Variants in ESRRG observed in about 807,000 individuals in gnomAD.
ESRRG encodes estrogen-related receptor gamma.
A neutral mutation model predicts 44.0 loss-of-function variants in ESRRG; 13 were observed. The ratio of observed to expected loss-of-function variants is 0.30; its 90% CI spans 0.19 to 0.47. ESRRG has a LOEUF of 0.47. ESRRG is among the 20% of genes least tolerant of loss of function. The pLI, the probability that ESRRG is intolerant of heterozygous loss-of-function variation, is 1.00. For synonymous variants in ESRRG, 215 were observed against 214.6 expected, an observed-to-expected ratio of 1.00 and a Z score of -0.02; for missense variants, 395 against 580.6, an observed-to-expected ratio of 0.68 and a Z score of 3.29.
At chr1:216,980,767 G>T (rs916308608) in intron 1 of ESRRG, among the ~76,000 whole-genome samples, 1 of 152,100 alleles carries the variant, frequency 6.6e-6, no homozygotes, top group Non-Finnish European at 1.5e-5. Flanking sequence ...GGCATACAAT[G>T]TCCATTACAA....
At position 217,056,233 on chromosome 1, in the gene ESRRG, A is replaced by C. The variant is rs148304888; in HGVS notation, c.-106+33274T>G. Among the ~76,000 whole-genome samples, 524 of 152,266 alleles carry C rather than the reference A, an allele frequency of 3.4e-3. 3 individuals are homozygous for C. The highest frequency in any genetic ancestry group is 0.012 in the African/African-American group (501 of 41,550). ...TGCAATCCATGTTAGACTGTGGCGT[A>C]AGTGAGAAATACTTTAAGACACCAA... On this transcript the variant is annotated intron_variant, in intron 1 of 7. Coordinates refer to the ESRRG transcript ENST00000359162.
intron 3 of ESRRG, among the ~76,000 whole-genome samples, chr1:216,591,648 C>T (rs529017447): frequency 3.7e-4 from 56 of 152,204 alleles, no homozygotes; most frequent in African/African-American, 1.3e-3. Flanking sequence ...ACAAAACCAG[C>T]CTGGAGCATC....
chr1:216,650,902 C>A, intron 3 of ESRRG, 71 bp downstream of exon 3: 1 of 883,970 alleles, frequency 1.1e-6, no homozygotes, highest in Non-Finnish European at 1.9e-6. Context: ...TTCTCTAAAA[C>A]TGGTGGAATT....
At chr1:216,741,309 T>G (rs529513594) in intron 2 of ESRRG, among the ~76,000 whole-genome samples, 102 of 148,396 alleles carry the variant, frequency 6.9e-4, no homozygotes, top group African/African-American at 2.3e-3. Context: ...TTATATAGTT[T>G]ATGTTTATAA....
chr1:216,530,922 G>A (rs1462580954), intron 5 of ESRRG, among the ~76,000 whole-genome samples: 1 of 151,656 alleles, frequency 6.6e-6, no homozygotes, highest in Non-Finnish European at 1.5e-5. Flanking sequence ...TACAAGTAAA[G>A]CAGAAAAAAA....
At chr1:216,569,078 G>A (rs202034812) in intron 3 of ESRRG, among the ~76,000 whole-genome samples, 1 of 52,398 alleles carries the variant, frequency 1.9e-5, no homozygotes, top group Non-Finnish European at 4.1e-5. Flanking sequence ...GAAAGACAGA[G>A]AGAAAGGAAG....
chr1:216,548,698 G>A (rs2055317562), intron 5 of ESRRG, among the ~76,000 whole-genome samples: 3 of 152,034 alleles, frequency 2.0e-5, no homozygotes, highest in African/African-American at 7.2e-5. Context: ...ATAGTACGCT[G>A]GGCTACTCCA....
At chr1:217,033,524 C>T (rs1334896882) in intron 1 of ESRRG, among the ~76,000 whole-genome samples, 3 of 151,772 alleles carry the variant, frequency 2.0e-5, no homozygotes, top group Admixed American at 2.0e-4. Flanking sequence ...ATTTATTAAG[C>T]CCAAAAAAGA....
chr1:216,739,051 G>A (rs575970693), intron 2 of ESRRG, among the ~76,000 whole-genome samples: 2 of 152,064 alleles, frequency 1.3e-5, no homozygotes, highest in Non-Finnish European at 2.9e-5. Flanking sequence ...ACCTTGGAGC[G>A]GAGGTCAGGG....
intron 1 of ESRRG, among the ~76,000 whole-genome samples, chr1:217,106,392 G>GCACACA (rs3075354): frequency 6.1e-5 from 5 of 82,322 alleles, no homozygotes; most frequent in Admixed American, 3.6e-4. Flanking sequence ...ACTCACATAT[G>GCACACA]CACACACACA....
intron 1 of ESRRG, among the ~76,000 whole-genome samples, chr1:217,011,691 A>G (rs1365432724): frequency 6.6e-6 from 1 of 152,124 alleles, no homozygotes; most frequent in East Asian, 1.9e-4. Flanking sequence ...CACACACCTC[A>G]CTGTGGGTAC....
chr1:216,901,786 G>A (rs1447834543), intron 2 of ESRRG, among the ~76,000 whole-genome samples: 1 of 151,836 alleles, frequency 6.6e-6, no homozygotes, highest in Non-Finnish European at 1.5e-5. Context: ...CAGGGACAGG[G>A]TCTCACTCTG....
chr1:216,905,522 C>T (rs2059590076), intron 2 of ESRRG, among the ~76,000 whole-genome samples: 2 of 152,128 alleles, frequency 1.3e-5, no homozygotes, highest in African/African-American at 4.8e-5. Flanking sequence ...TTCTTCCTAC[C>T]ACCACCCTCT....
At chr1:216,508,728 T>C (rs1294200555) in intron 6 of ESRRG, among the ~76,000 whole-genome samples, 1 of 152,192 alleles carries the variant, frequency 6.6e-6, no homozygotes, top group Non-Finnish European at 1.5e-5. Flanking sequence ...AAAACATTCA[T>C]AGAGATGATG....
intron 3 of ESRRG, among the ~76,000 whole-genome samples, chr1:216,576,038 A>T (rs2061626834): frequency 1.3e-5 from 2 of 152,172 alleles, no homozygotes; most frequent in South Asian, 4.1e-4. Flanking sequence ...GCAGAGACTG[A>T]GGGATATTAA....
At chr1:216,622,395 T>A (rs1161374234) in intron 3 of ESRRG, among the ~76,000 whole-genome samples, 3 of 152,204 alleles carry the variant, frequency 2.0e-5, no homozygotes, top group African/African-American at 7.2e-5. Flanking sequence ...TGGAAACTCA[T>A]CTCTGCTTTC....
intron 2 of ESRRG, among the ~76,000 whole-genome samples, chr1:216,916,273 G>A (rs146517047): frequency 9.2e-5 from 14 of 152,226 alleles, no homozygotes; most frequent in Middle Eastern, 6.8e-3. Flanking sequence ...CTCCCTGACC[G>A]CTGCATGCTG....
chr1:216,598,725 G>A (rs556948804), intron 3 of ESRRG, among the ~76,000 whole-genome samples: 1 of 151,194 alleles, frequency 6.6e-6, no homozygotes, highest in Admixed American at 6.6e-5. Flanking sequence ...ATCCAGGTTT[G>A]GCTGGAAAAA....
At chr1:217,108,184 A>G (rs1262000084) in intron 1 of ESRRG, among the ~76,000 whole-genome samples, 1 of 152,180 alleles carries the variant, frequency 6.6e-6, no homozygotes, top group Non-Finnish European at 1.5e-5. Flanking sequence ...ACTTGCTGAA[A>G]CATTTGATTC....
Sources: allele counts gnomAD v4.1 joint callset (sites outside exome capture counted in the v4.1 genomes callset), GRCh38; gene constraint gnomAD v4.1.1; transcripts MANE v1.5; gene names NCBI Gene and HGNC (gene_info 2026-07-23, HGNC 2026-07-21).